The following HMG20A variants were observed in gnomAD, a reference collection of about 807,000 sequenced individuals.
The protein encoded by HMG20A is high mobility group 20A.
In HMG20A, 17 loss-of-function variants were observed where a neutral mutation model predicts 43.9. The ratio of observed to expected loss-of-function variants is 0.39; its 90% CI spans 0.27 to 0.58. The LOEUF (loss-of-function observed/expected upper bound fraction) is 0.58, where lower values mean the gene tolerates loss of function less well. Ranked by LOEUF, HMG20A falls within the 20% of genes least tolerant of loss-of-function variation. The probability of loss-of-function intolerance (pLI) is 0.59; values close to 1 mark genes in which losing one functional copy is unlikely to be tolerated. For missense variants in HMG20A, 341 were observed against 438.2 expected (o/e 0.78, Z 1.98); for synonymous variants, 132 against 147.5 (o/e 0.89, Z 0.76).
At chr15:77,487,314 T>C (rs2072950701), downstream of HMG20A, among the ~76,000 whole-genome samples, 2 of 152,202 alleles carry the variant, frequency 1.3e-5, no homozygotes, top group Admixed American at 1.3e-4. Flanking sequence ...AAAATGAATA[T>C]AGAGTAGGCA....
intron 3 of HMG20A, 121 bp from the exon 4 acceptor site, chr15:77,466,974 G>C: frequency 1.3e-6 from 1 of 765,526 alleles, no homozygotes; most frequent in South Asian, 1.8e-5. Context: ...TGAATATCCA[G>C]GGCCAAATTG....
the HMG20A span, among the ~76,000 whole-genome samples, chr15:77,511,906 G>A: frequency 1.3e-5 from 2 of 152,202 alleles, no homozygotes; most frequent in South Asian, 4.2e-4. Context: ...TCCACTTCTG[G>A]GTATACATCC....
At chr15:77,491,751 G>A in the HMG20A span, among the ~76,000 whole-genome samples, 14 of 152,298 alleles carry the variant, frequency 9.2e-5, no homozygotes, top group African/African-American at 3.4e-4. Flanking sequence ...CTTAGAAAAA[G>A]AGTAGTTCCT....
chr15:77,495,886 C>G, the HMG20A span, among the ~76,000 whole-genome samples: 1 of 152,208 alleles, frequency 6.6e-6, no homozygotes. Context: ...TGTCCTGACC[C>G]TCCTTCCCCC....
chr15:77,478,549 G>A, intron 8 of HMG20A, 39 bp downstream of exon 8: 2 of 1,517,444 alleles, frequency 1.3e-6, no homozygotes, highest in African/African-American at 1.4e-5. Context: ...TGACAGGGGT[G>A]TGTGTGTTGT....
the HMG20A span, among the ~76,000 whole-genome samples, chr15:77,499,864 C>G: frequency 6.6e-6 from 1 of 151,222 alleles, no homozygotes; most frequent in Non-Finnish European, 1.5e-5. Flanking sequence ...GGGTCTCACT[C>G]TGTCGCCCAG....
intron 2 of HMG20A, 111 bp from the exon 3 acceptor site, chr15:77,464,129 G>A (rs998849431): frequency 9.0e-5 from 104 of 1,160,882 alleles, no homozygotes; most frequent in Non-Finnish European, 1.3e-4. Flanking sequence ...CAGATTATTG[G>A]GGGAATTAAT....
At chr15:77,449,727 C>G in intron 1 of HMG20A, among the ~76,000 whole-genome samples, 1 of 152,050 alleles carries the variant, frequency 6.6e-6, no homozygotes, top group East Asian at 1.9e-4. Context: ...CCCTGTCCCC[C>G]CACACACACA....
At chr15:77,516,955 C>G in the HMG20A span, among the ~76,000 whole-genome samples, 1 of 152,164 alleles carries the variant, frequency 6.6e-6, no homozygotes, top group Non-Finnish European at 1.5e-5. Flanking sequence ...ATAACCTGTC[C>G]CCATCGCCTC....
At chr15:77,503,397 C>T in the HMG20A span, among the ~76,000 whole-genome samples, 2 of 152,202 alleles carry the variant, frequency 1.3e-5, no homozygotes, top group East Asian at 1.9e-4. Flanking sequence ...TCCCTCAAAT[C>T]CTTTCCAGCT....
chr15:77,479,058 T>C (rs1042151746), intron 8 of HMG20A, 121 bp from the exon 9 acceptor site: 13 of 903,080 alleles, frequency 1.4e-5, no homozygotes, highest in African/African-American at 1.3e-4. Flanking sequence ...AAGTCTCTCC[T>C]CTAAAATTAA....
chr15:77,470,301 T>G (rs1208224506), intron 4 of HMG20A, among the ~76,000 whole-genome samples: 2 of 152,222 alleles, frequency 1.3e-5, no homozygotes, highest in African/African-American at 4.8e-5. Context: ...TTTGTTTAAA[T>G]AATTAATAGC....
the HMG20A span, among the ~76,000 whole-genome samples, chr15:77,504,145 TG>T: frequency 6.6e-6 from 1 of 152,196 alleles, no homozygotes; most frequent in African/African-American, 2.4e-5. Flanking sequence ...CGAGGCCTTC[TG>T]GGGCAGGCAT....
intron 1 of HMG20A, among the ~76,000 whole-genome samples, chr15:77,455,466 T>A (rs1478446361): frequency 6.6e-6 from 1 of 151,868 alleles, no homozygotes; most frequent in East Asian, 1.9e-4. Flanking sequence ...GAGGGAATTT[T>A]GGGATTTCCA....
intron 7 of HMG20A, 136 bp downstream of exon 7, chr15:77,477,766 A>G (rs1330783203): frequency 1.1e-5 from 7 of 611,228 alleles, no homozygotes; most frequent in Non-Finnish European, 2.0e-5. Context: ...AAGGAAAGCT[A>G]GGGCATTGTT....
chr15:77,450,396 T>G (rs111334728), intron 1 of HMG20A, among the ~76,000 whole-genome samples: 26 of 152,386 alleles, frequency 1.7e-4, no homozygotes, highest in African/African-American at 5.8e-4. Context: ...CCATTTACCT[T>G]ACACATGGCT....
At chr15:77,509,546 G>A in the HMG20A span, among the ~76,000 whole-genome samples, 3 of 144,762 alleles carry the variant, frequency 2.1e-5, no homozygotes, top group Non-Finnish European at 4.5e-5. Flanking sequence ...ATGAGCCTCT[G>A]TGCCCAGCCG....
chr15:77,437,628 G>A (rs2073563515), intron 1 of HMG20A, among the ~76,000 whole-genome samples: 1 of 152,108 alleles, frequency 6.6e-6, no homozygotes, highest in East Asian at 1.9e-4. Context: ...CTGGAGTGCG[G>A]TGGCGTGATC....
the HMG20A span, among the ~76,000 whole-genome samples, chr15:77,491,297 T>A: frequency 1.3e-5 from 2 of 152,230 alleles, no homozygotes; most frequent in East Asian, 3.8e-4. Flanking sequence ...GCTTTTGCTA[T>A]CTTCAAGGAT....
Sources: gnomAD v4.1 joint callset for allele counts (sites outside exome capture counted in the v4.1 genomes callset) on GRCh38, gnomAD v4.1.1 for gene constraint, MANE v1.5 for transcripts, NCBI Gene and HGNC (gene_info 2026-07-23, HGNC 2026-07-21) for gene names.